CADM1: variants seen among roughly 807,000 people sequenced by gnomAD.
CADM1 encodes TSLC-1.
Under a neutral mutation model 53.1 loss-of-function variants are expected in CADM1, and 15 were observed. That is an observed-to-expected ratio of 0.28 (90% CI 0.19 to 0.44). The LOEUF (loss-of-function observed/expected upper bound fraction) is 0.44. Ranked by LOEUF, CADM1 falls within the 20% of genes least tolerant of loss-of-function variation. The pLI, the probability that CADM1 is intolerant of heterozygous loss-of-function variation, is 1.00. For synonymous variants in CADM1, 281 were observed against 243.0 expected (o/e 1.16, Z -1.45); for missense variants, 434 against 611.3 (o/e 0.71, Z 3.06).
intron 11 of CADM1, 145 bp downstream of exon 11, chr11:115,178,499 T>TTTTTTTTCTC: frequency 1.2e-6 from 1 of 809,444 alleles, no homozygotes; most frequent in South Asian, 1.5e-5. Context: ...TTTTTTTTTT[T>TTTTTTTTCTC]TCTCTTCTCT....
intron 1 of CADM1, among the ~76,000 whole-genome samples, chr11:115,465,382 T>A (rs1250213452): frequency 6.6e-6 from 1 of 152,136 alleles, no homozygotes; most frequent in East Asian, 1.9e-4. Flanking sequence ...CTGTTCTGAG[T>A]GACATGAGAG....
intron 6 of CADM1, among the ~76,000 whole-genome samples, chr11:115,216,335 G>A (rs45489793): frequency 0.27 from 41,665 of 152,058 alleles, 6,975 homozygotes; most frequent in East Asian, 0.68. Context: ...TACTGTCCCC[G>A]TGGCACATTC....
Position 115,214,774 on chromosome 11 carries a change from C to CTT in CADM1, c.827_828insAA (p.Met277ArgfsTer3). ...CATCGACTCTCACCCAAGTTACCAT[C>CTT]ACAGGCCTGCAGGGGGAAGGGGAGG... On this transcript the variant is annotated frameshift_variant, in exon 7 of 12. Transcript: ENST00000331581. LOFTEE classifies it high-confidence loss of function. 6.2e-7 allele frequency: 1 copy of CTT among 1,613,858 alleles called. No individual in the cohort carries two copies. Among genetic ancestry groups the CTT allele is most frequent in the East Asian group, 2.2e-5 (1 of 44,866 alleles).
At chr11:115,295,704 C>G (rs1944059937) in intron 1 of CADM1, among the ~76,000 whole-genome samples, 1 of 151,554 alleles carries the variant, frequency 6.6e-6, no homozygotes, top group African/African-American at 2.4e-5. Context: ...GGATCTACTA[C>G]AATCTGCTTT....
chr11:115,387,946 C>A (rs1205165966), intron 1 of CADM1, among the ~76,000 whole-genome samples: 2 of 150,946 alleles, frequency 1.3e-5, no homozygotes, highest in Non-Finnish European at 3.0e-5. Context: ...AAAACAAAAA[C>A]AGAAGTCATC....
intron 1 of CADM1, among the ~76,000 whole-genome samples, chr11:115,419,400 C>T (rs1947697498): frequency 6.6e-6 from 1 of 152,132 alleles, no homozygotes; most frequent in Non-Finnish European, 1.5e-5. Flanking sequence ...GTAGAAGATT[C>T]TTTAAAAATC....
intron 7 of CADM1, among the ~76,000 whole-genome samples, chr11:115,212,930 C>T (rs2134750696): frequency 6.6e-6 from 1 of 152,298 alleles, no homozygotes; most frequent in East Asian, 1.9e-4. Flanking sequence ...AAACTACTAT[C>T]CAAAATTATT....
intron 1 of CADM1, among the ~76,000 whole-genome samples, chr11:115,341,669 A>G (rs1469539958): frequency 6.6e-6 from 1 of 152,230 alleles, no homozygotes; most frequent in East Asian, 1.9e-4. Context: ...CTTTAGGGAA[A>G]CAAGCAAACT....
At chr11:115,205,475 G>A (rs1940630705) in intron 8 of CADM1, among the ~76,000 whole-genome samples, 1 of 151,984 alleles carries the variant, frequency 6.6e-6, no homozygotes, top group African/African-American at 2.4e-5. Context: ...ACCTCCTCCC[G>A]CCACCCCAGC....
intron 5 of CADM1, among the ~76,000 whole-genome samples, chr11:115,227,140 G>C (rs1941640652): frequency 6.6e-6 from 1 of 152,180 alleles, no homozygotes; most frequent in African/African-American, 2.4e-5. Flanking sequence ...CCATATTAGA[G>C]TTTAAAGTAT....
chr11:115,405,417 T>C (rs988961339), intron 1 of CADM1, among the ~76,000 whole-genome samples: 2 of 152,138 alleles, frequency 1.3e-5, no homozygotes, highest in African/African-American at 4.8e-5. Context: ...TGGGAGAGCT[T>C]TATCCAAGAA....
At chr11:115,358,940 T>C (rs1423124546) in intron 1 of CADM1, among the ~76,000 whole-genome samples, 1 of 152,226 alleles carries the variant, frequency 6.6e-6, no homozygotes, top group Non-Finnish European at 1.5e-5. Flanking sequence ...CTACTATTTC[T>C]ATTGTCAGAA....
chr11:115,251,352 C>T (rs577243990), intron 1 of CADM1, among the ~76,000 whole-genome samples: 5 of 150,908 alleles, frequency 3.3e-5, no homozygotes, highest in East Asian at 2.0e-4. Flanking sequence ...AGCTTAGAGC[C>T]GACAGGACAA....
Position 115,479,438 on chromosome 11 carries a change from G to A in CADM1, c.124+24833C>T, listed in dbSNP as rs555918712. On this transcript the variant is annotated intron_variant, in intron 1 of 11. Coordinates refer to ENST00000331581, the MANE Select transcript of CADM1 (RefSeq NM_001301043.2). ...CTTCCAAAAAAAGAAAAACACACAAGGATCCCCATCACACATAGAGCTTCA... is the reference window on the plus strand; with the variant it reads ...CTTCCAAAAAAAGAAAAACACACAAAGATCCCCATCACACATAGAGCTTCA... Among the ~76,000 whole-genome samples, 8 of 152,034 alleles carry A rather than the reference G, an allele frequency of 5.3e-5. No homozygotes were observed. In the East Asian group the frequency reaches 1.5e-3, roughly 29 times the overall value.
At chr11:115,464,089 T>C (rs1441921640) in intron 1 of CADM1, among the ~76,000 whole-genome samples, 1 of 152,214 alleles carries the variant, frequency 6.6e-6, no homozygotes, top group African/African-American at 2.4e-5. Context: ...AATCTGCATC[T>C]ATTCCCTTTT....
intron 1 of CADM1, among the ~76,000 whole-genome samples, chr11:115,462,369 A>C (rs1299099538): frequency 3.3e-5 from 5 of 152,182 alleles, no homozygotes; most frequent in African/African-American, 1.2e-4. Flanking sequence ...CCTGCACTAC[A>C]TACAGGGCTA....
At chr11:115,262,145 T>A (rs184451457) in intron 1 of CADM1, among the ~76,000 whole-genome samples, 1 of 151,800 alleles carries the variant, frequency 6.6e-6, no homozygotes, top group African/African-American at 2.4e-5. Context: ...TTTTGTCTTT[T>A]TTTTTTTTTT....
At chr11:115,414,980 G>A (rs1947557904) in intron 1 of CADM1, among the ~76,000 whole-genome samples, 1 of 152,134 alleles carries the variant, frequency 6.6e-6, no homozygotes, top group Admixed American at 6.6e-5. Flanking sequence ...CTAATAAGGA[G>A]GATCAGCATT....
intron 1 of CADM1, among the ~76,000 whole-genome samples, chr11:115,497,816 G>A (rs778663031): frequency 6.6e-6 from 1 of 152,094 alleles, no homozygotes; most frequent in African/African-American, 2.4e-5. Context: ...CAACTCAGAG[G>A]GGGCGGTGCA....
Sources: allele counts gnomAD v4.1 joint callset (sites outside exome capture counted in the v4.1 genomes callset), GRCh38; gene constraint gnomAD v4.1.1; transcripts MANE v1.5; gene names NCBI Gene and HGNC (gene_info 2026-07-23, HGNC 2026-07-21).